The following CD33 variants were observed in gnomAD, a reference collection of about 807,000 sequenced individuals.
The protein encoded by CD33 is CD33 molecule, also known as myeloid cell surface antigen CD33.
CD33 carries 25 observed loss-of-function variants against 31.4 expected under a neutral mutation model. That is an observed-to-expected ratio of 0.80 (90% confidence interval 0.58 to 1.11). The LOEUF (loss-of-function observed/expected upper bound fraction) is 1.11, where lower values mean the gene tolerates loss of function less well. CD33 is among the 50% of genes most tolerant of loss of function. The pLI is 0.00. For missense variants in CD33, 407 were observed against 448.1 expected (o/e 0.91, Z 0.83); for synonymous variants, 176 against 180.6 (o/e 0.97, Z 0.20).
chr19:51,236,953 T>A (rs1451030337), intron 6 of CD33: 1 of 152,290 alleles, frequency 6.6e-6, no homozygotes, highest in East Asian at 1.9e-4. Context: ...TCTACACTCC[T>A]GAAAGATTGG....
chr19:51,214,714 A>G, the CD33 span, among the ~76,000 whole-genome samples: 1 of 152,126 alleles, frequency 6.6e-6, no homozygotes, highest in African/African-American at 2.4e-5. Flanking sequence ...AGTGCTCTTT[A>G]TATATGTTGG....
At chr19:51,223,206 C>T (rs1399585226), upstream of CD33, among the ~76,000 whole-genome samples, 1 of 151,836 alleles carries the variant, frequency 6.6e-6, no homozygotes, top group Non-Finnish European at 1.5e-5. Context: ...GGCAACAAAG[C>T]AAGACCCTGT....
chr19:51,216,244 G>GTGT, the CD33 span, among the ~76,000 whole-genome samples: 1 of 150,684 alleles, frequency 6.6e-6, no homozygotes, highest in Non-Finnish European at 1.5e-5. Context: ...GTGTGTGTGT[G>GTGT]TGTGTGTGTG....
chr19:51,235,630 C>T lies in CD33; in HGVS notation c.878C>T (p.Ala293Val), dbSNP rs754882490. 3 of 1,613,890 alleles carry T rather than the reference C, an allele frequency of 1.9e-6. No homozygotes were observed. Among genetic ancestry groups the T allele is most frequent in the Admixed American group, 1.7e-5 (1 of 59,982 alleles). ...KTHRRKAART[A>V]VGRNDTHPTT... ...CACAGGAGGAAAGCAGCCAGGACAG[C>T]AGTGGGCAGGAATGACACCCACCCT... The change falls in exon 6 of 7, where the codon GCA becomes GTA. Residue 293 changes from alanine to valine, a missense_variant. Coordinates refer to ENST00000262262, the MANE Select transcript of CD33 (RefSeq NM_001772.4).
intron 4 of CD33, among the ~76,000 whole-genome samples, chr19:51,231,875 T>C (rs1157921791): frequency 3.3e-5 from 5 of 152,104 alleles, no homozygotes; most frequent in African/African-American, 1.2e-4. Flanking sequence ...CTTCCTGCCT[T>C]AACCTCCCAA....
chr19:51,228,361 A>G (rs1981180644), intron 4 of CD33, among the ~76,000 whole-genome samples: 1 of 152,190 alleles, frequency 6.6e-6, no homozygotes, highest in East Asian at 1.9e-4. Context: ...TAGTATAATC[A>G]TTTTAGCAAT....
chr19:51,211,973 C>T, the CD33 span: 2 of 1,208,526 alleles, frequency 1.7e-6, no homozygotes, highest in African/African-American at 3.0e-5. Flanking sequence ...TCACGATCAT[C>T]CCATGGCCCC....
chr19:51,235,610 G>C lies in CD33; in HGVS notation c.858G>C (p.Arg286Ser). The C allele has an allele frequency of 6.2e-7, 1 of 1,613,864 alleles. No homozygotes were observed. The highest frequency in any genetic ancestry group is 8.5e-7 in the Non-Finnish European group (1 of 1,179,938). The change falls in exon 6 of 7, where the codon AGG (arginine) becomes AGC (serine). Residue 286 changes from arginine to serine, a missense_variant. By Grantham distance (110) the Arg-to-Ser change is moderately radical. Transcript: ENST00000262262. ...CTCCCATCAGAGTGAAGACCCACAG[G>C]AGGAAAGCAGCCAGGACAGCAGTGG... Reference protein sequence around the residue: ...CLIFFIVKTHRRKAARTAVGR... With the variant: ...CLIFFIVKTHSRKAARTAVGR...
upstream of CD33, chr19:51,225,070 T>C (rs758804503): frequency 1.9e-6 from 3 of 1,611,528 alleles, no homozygotes; most frequent in Non-Finnish European, 2.5e-6. Context: ...CTCCACTCCC[T>C]TCCTCTTTTC....
chr19:51,219,693 T>C, the CD33 span, among the ~76,000 whole-genome samples: 14 of 152,208 alleles, frequency 9.2e-5, no homozygotes, highest in African/African-American at 3.4e-4. Flanking sequence ...TTTTGAGATA[T>C]GTTCCTTTAA....
chr19:51,233,817 A>G (rs1981591400), intron 4 of CD33, among the ~76,000 whole-genome samples: 1 of 152,146 alleles, frequency 6.6e-6, no homozygotes, highest in Non-Finnish European at 1.5e-5. Flanking sequence ...GGCTGGGGAG[A>G]TGGAGCTGCA....
At chr19:51,224,110 G>A (rs1439577493), upstream of CD33, among the ~76,000 whole-genome samples, 2 of 151,996 alleles carry the variant, frequency 1.3e-5, no homozygotes, top group Non-Finnish European at 2.9e-5. Flanking sequence ...GCCGAGTTAA[G>A]TCAGAGGCAC....
chr19:51,216,223 AGT>A, the CD33 span, among the ~76,000 whole-genome samples: 26,250 of 127,462 alleles, frequency 0.21, 2,564 homozygotes, highest in East Asian at 0.45. Flanking sequence ...ATGTCACCCG[AGT>A]GTGTGTGTGT....
At chr19:51,218,249 G>A in the CD33 span, among the ~76,000 whole-genome samples, 3 of 152,096 alleles carry the variant, frequency 2.0e-5, no homozygotes, top group South Asian at 2.1e-4. Context: ...TTCTCACTGC[G>A]GTTTTAATTT....
intron 4 of CD33, among the ~76,000 whole-genome samples, chr19:51,229,827 A>G (rs1981281471): frequency 1.3e-5 from 2 of 151,624 alleles, no homozygotes; most frequent in South Asian, 4.2e-4. Flanking sequence ...TTATTTTTCC[A>G]AAAAGCGAAC....
At chr19:51,231,896 C>T (rs1981452712) in intron 4 of CD33, among the ~76,000 whole-genome samples, 1 of 152,080 alleles carries the variant, frequency 6.6e-6, no homozygotes, top group South Asian at 2.1e-4. Context: ...GTAGCTGGGA[C>T]TACAGGCATG....
At chr19:51,228,100 G>T (rs1981161584) in intron 4 of CD33, among the ~76,000 whole-genome samples, 1 of 152,224 alleles carries the variant, frequency 6.6e-6, no homozygotes, top group Non-Finnish European at 1.5e-5. Flanking sequence ...CCAATATCAT[G>T]CTGTTTTGGT....
chr19:51,215,825 C>A, the CD33 span, among the ~76,000 whole-genome samples: 2 of 152,146 alleles, frequency 1.3e-5, no homozygotes, highest in African/African-American at 4.8e-5. Context: ...TCCGTCCTGA[C>A]CTTGGTCATG....
upstream of CD33, among the ~76,000 whole-genome samples, chr19:51,224,674 T>C (rs749148871): frequency 6.6e-6 from 1 of 152,056 alleles, no homozygotes; most frequent in Non-Finnish European, 1.5e-5. Flanking sequence ...ACGGACCCTA[T>C]AGAATCCTAT....
Sources: allele counts gnomAD v4.1 joint callset (sites outside exome capture counted in the v4.1 genomes callset), GRCh38; gene constraint gnomAD v4.1.1; transcripts MANE v1.5; gene names NCBI Gene and HGNC (gene_info 2026-07-23, HGNC 2026-07-21).